Variants in TUBGCP3 observed in about 807,000 individuals in gnomAD.
TUBGCP3 encodes the protein tubulin gamma complex component 3, also known as gamma-tubulin complex component 3.
A neutral mutation model predicts 123.1 loss-of-function variants in TUBGCP3; 50 were observed. The ratio of observed to expected loss-of-function variants is 0.41; its 90% CI spans 0.32 to 0.51. The LOEUF (loss-of-function observed/expected upper bound fraction) is 0.51, where lower values mean the gene tolerates loss of function less well. TUBGCP3 is among the 20% of genes least tolerant of loss of function. The probability of loss-of-function intolerance (pLI) is 0.36; values close to 1 mark genes in which losing one functional copy is unlikely to be tolerated. For synonymous variants in TUBGCP3, 405 were observed against 413.9 expected, an observed-to-expected ratio of 0.98 and a Z score of 0.26; for missense variants, 882 against 1,127.0, an observed-to-expected ratio of 0.78 and a Z score of 3.11.
chr13:112,505,329 G>T (rs1311790413), intron 17 of TUBGCP3, among the ~76,000 whole-genome samples: 1 of 152,220 alleles, frequency 6.6e-6, no homozygotes, highest in Non-Finnish European at 1.5e-5. Context: ...TTACACTAAT[G>T]TATGTGATGG....
At position 112,511,364 on chromosome 13, in the gene TUBGCP3, G is replaced by T. The variant is rs761004771; in HGVS notation, c.2086+5076C>A. 6.6e-5 allele frequency among the ~76,000 whole-genome samples: 10 copies of T among 152,162 alleles called. No individual in the cohort carries two copies. Among genetic ancestry groups the T allele is most frequent in the Non-Finnish European group, 1.3e-4 (9 of 68,020 alleles). On this transcript the variant is annotated intron_variant, in intron 17 of 21. Transcript: ENST00000261965. The surrounding 1 kb of genome is among the most constrained non-coding windows in gnomAD (Gnocchi z 4.1). ...CTCAATAATAATTATGTGCTTCATG[G>T]ATTTCAAATTTATGCTCCACTGCTA...
At position 112,515,035 on chromosome 13, in the gene TUBGCP3, C is replaced by A. The variant is rs557411683; in HGVS notation, c.2086+1405G>T. 3.0e-4 allele frequency among the ~76,000 whole-genome samples: 46 copies of A among 151,932 alleles called. No individual in the cohort carries two copies. In the South Asian group the frequency reaches 5.8e-3, roughly 19 times the overall value. ...CAAACTCTGTGAAGCAGGATCCTAG[C>A]GATATAAATAAATTTTATAAATAAT... On this transcript the variant is annotated intron_variant, in intron 17 of 21. Coordinates refer to ENST00000261965, the MANE Select transcript of TUBGCP3 (RefSeq NM_006322.6).
the TUBGCP3 span, among the ~76,000 whole-genome samples, chr13:112,595,763 C>G: frequency 6.6e-6 from 1 of 151,832 alleles, no homozygotes; most frequent in African/African-American, 2.4e-5. Flanking sequence ...CTTCTAATCT[C>G]TATCTTCTAG....
At chr13:112,534,889 A>G (rs894547043) in intron 11 of TUBGCP3, among the ~76,000 whole-genome samples, 9 of 152,138 alleles carry the variant, frequency 5.9e-5, no homozygotes, top group African/African-American at 2.2e-4. Context: ...ACTCCAGAAG[A>G]TTTTCATCAG....
chr13:112,551,004 A>C lies in TUBGCP3; in HGVS notation c.967-2828T>G, dbSNP rs138223505. Among the ~76,000 whole-genome samples, 497 of 152,124 alleles carry C rather than the reference A, an allele frequency of 3.3e-3. 1 individual carries two copies. The highest frequency in any genetic ancestry group is 0.011 in the African/African-American group (447 of 41,524). On this transcript the variant is annotated intron_variant, in intron 8 of 21. Coordinates refer to ENST00000261965, the MANE Select transcript of TUBGCP3 (RefSeq NM_006322.6). ...GTTCCGGCTACTCGGGAGGCTGAGG[A>C]AGGAGAATGGCGTGAACATGGGAGG...
At chr13:112,493,646 A>ACGC (rs1325718065) in intron 20 of TUBGCP3, among the ~76,000 whole-genome samples, 9 of 139,188 alleles carry the variant, frequency 6.5e-5, no homozygotes, top group Admixed American at 1.4e-4. Context: ...TGTCCCTGAG[A>ACGC]TGCTCTGGCT....
chr13:112,562,785 A>G (rs1880621798), intron 3 of TUBGCP3, among the ~76,000 whole-genome samples: 1 of 152,238 alleles, frequency 6.6e-6, no homozygotes, highest in South Asian at 2.1e-4. Flanking sequence ...AAAACTGTGC[A>G]CAAACTGAAT....
chr13:112,499,107 C>A lies in TUBGCP3; in HGVS notation c.2386G>T (p.Ala796Ser). Residue 796 changes from alanine to serine, a missense_variant, in exon 20 of 22, where the codon GCT (alanine) becomes TCT (serine). Physicochemically the swap from Ala to Ser is moderately conservative, Grantham distance 99 (BLOSUM62 1). Around this residue, in one of 3 missense-constraint regions of TUBGCP3, gnomAD observed 160 missense variants for 220.3 expected, o/e 0.73. Coordinates refer to ENST00000261965, the MANE Select transcript of TUBGCP3 (RefSeq NM_006322.6). Reference protein sequence around the residue: ...QNAQDAIYRAALEELQRRLQF... With the variant: ...QNAQDAIYRASLEELQRRLQF... ...AATCGTCTCTGCAATTCTTCCAGAGCAGCTCTGTATATTGCATCTTGAGCA... is the reference window on the plus strand; with the variant it reads ...AATCGTCTCTGCAATTCTTCCAGAGAAGCTCTGTATATTGCATCTTGAGCA... The A allele has an allele frequency of 1.2e-6, 2 of 1,614,182 alleles. No individual in the cohort carries two copies. The highest frequency in any genetic ancestry group is 1.7e-6 in the Non-Finnish European group (2 of 1,180,028).
At chr13:112,595,021 G>A in the TUBGCP3 span, among the ~76,000 whole-genome samples, 1 of 152,150 alleles carries the variant, frequency 6.6e-6, no homozygotes, top group African/African-American at 2.4e-5. Flanking sequence ...TATATATTCT[G>A]CTGTTGTTGA....
intron 20 of TUBGCP3, among the ~76,000 whole-genome samples, chr13:112,491,767 T>A (rs925583259): frequency 1.3e-5 from 2 of 152,174 alleles, no homozygotes; most frequent in Non-Finnish European, 2.9e-5. Flanking sequence ...ATTACAGGCA[T>A]GAGCCACCAC....
rs1882755396 is a variant in TUBGCP3 at position 112,588,040 on chromosome 13, G to A, written c.-60C>T. The A allele has an allele frequency of 2.2e-6, 3 of 1,342,866 alleles. No individual in the cohort carries two copies. The highest frequency in any genetic ancestry group is 1.9e-6 in the Non-Finnish European group (2 of 1,026,250). 83.2% of individuals were successfully genotyped at this position (1,342,866 alleles called of 1,614,324 possible). The stretch of plus-strand genomic sequence containing the variant: ...AGCCGCCACTGCCGCCGCACGCGCA[G>A]GGACCGCGGCCCGCGCCCTTCCTGC... On this transcript the variant is annotated 5_prime_UTR_variant, in exon 1 of 22. Coordinates refer to ENST00000261965, the MANE Select transcript of TUBGCP3 (RefSeq NM_006322.6).
chr13:112,527,104 C>G, intron 12 of TUBGCP3, 54 bp from the exon 13 acceptor site: 1 of 1,399,972 alleles, frequency 7.1e-7, no homozygotes, highest in Non-Finnish European at 1.0e-6. Context: ...AACGACTGCC[C>G]AAATCTACAA....
chr13:112,549,918 A>C (rs2139189416), intron 8 of TUBGCP3, among the ~76,000 whole-genome samples: 2 of 138,586 alleles, frequency 1.4e-5, no homozygotes, highest in East Asian at 4.7e-4. Flanking sequence ...TGAACACAGG[A>C]GGCGGGGCTT....
At chr13:112,498,883 T>C (rs774607993) in intron 20 of TUBGCP3, 162 bp downstream of exon 20, 8 of 1,612,866 alleles carry the variant, frequency 5.0e-6, no homozygotes, top group Non-Finnish European at 5.1e-6. Flanking sequence ...CCTCCCTCTT[T>C]ACAACTGTCA....
chr13:112,586,358 A>C (rs1309758762), intron 1 of TUBGCP3, among the ~76,000 whole-genome samples: 1 of 152,228 alleles, frequency 6.6e-6, no homozygotes, highest in Non-Finnish European at 1.5e-5. Flanking sequence ...CTAGAAAAAA[A>C]AACTCTGGAA....
chr13:112,580,475 TTCTAAG>T (rs1882208276), intron 1 of TUBGCP3, among the ~76,000 whole-genome samples: 3 of 151,860 alleles, frequency 2.0e-5, no homozygotes, highest in Admixed American at 6.6e-5. Flanking sequence ...AAAAAAAAAA[TTCTAAG>T]TCTGTCACTA....
At chr13:112,526,200 CCAT>C (rs910424780) in intron 13 of TUBGCP3, among the ~76,000 whole-genome samples, 17 of 148,424 alleles carry the variant, frequency 1.1e-4, no homozygotes, top group African/African-American at 3.0e-4. Context: ...CACCACCACG[CCAT>C]CATCACCACC....
chr13:112,583,879 T>A (rs1294519189), intron 1 of TUBGCP3, among the ~76,000 whole-genome samples: 1 of 152,216 alleles, frequency 6.6e-6, no homozygotes, highest in Non-Finnish European at 1.5e-5. Flanking sequence ...TGACTCCAGA[T>A]GCAAGTCAGA....
At chr13:112,507,744 T>G (rs1475145579) in intron 17 of TUBGCP3, among the ~76,000 whole-genome samples, 2 of 152,216 alleles carry the variant, frequency 1.3e-5, no homozygotes, top group Admixed American at 1.3e-4. Context: ...GGCACGAATA[T>G]GCTTTTGCTA....
Sources: allele counts gnomAD v4.1 joint callset (sites outside exome capture counted in the v4.1 genomes callset), GRCh38; gene constraint gnomAD v4.1.1; regional missense constraint gnomAD v4.1.1; non-coding constraint Gnocchi (gnomAD v3.1); transcripts MANE v1.5; gene names NCBI Gene and HGNC (gene_info 2026-07-23, HGNC 2026-07-21).